Variants in RBX1 observed in about 807,000 individuals in gnomAD.
RBX1 encodes the protein ring-box 1.
For synonymous variants in RBX1, 48 were observed against 47.9 expected, an observed-to-expected ratio of 1.00 and a Z score of -0.01; for missense variants, 46 against 141.4, an observed-to-expected ratio of 0.33 and a Z score of 3.42.
chr22:40,960,971 C>A (rs1397951320), intron 2 of RBX1, among the ~76,000 whole-genome samples: 1 of 152,006 alleles, frequency 6.6e-6, no homozygotes, highest in African/African-American at 2.4e-5. Context: ...GCCATGTTGG[C>A]CAGGCTGGTC....
At chr22:40,968,567 C>G (rs1684343538) in intron 4 of RBX1, among the ~76,000 whole-genome samples, 1 of 152,106 alleles carries the variant, frequency 6.6e-6, no homozygotes, top group Non-Finnish European at 1.5e-5. Flanking sequence ...GTGATTAATT[C>G]TGATATAGCA....
rs530658090 is a variant in RBX1 at position 40,962,589 on chromosome 22, G to A, written c.158-1458G>A. 6.0e-5 allele frequency among the ~76,000 whole-genome samples: 9 copies of A among 150,112 alleles called. No individual in the cohort carries two copies. In the South Asian group the frequency reaches 1.3e-3, roughly 21 times the overall value. Reference sequence around the variant, plus strand: ...TGGCTCACTGCAACCTCTGCCTCCCGGATTCAAGCAATTCTTCTGCCTCAG... The same window carrying A: ...TGGCTCACTGCAACCTCTGCCTCCCAGATTCAAGCAATTCTTCTGCCTCAG... On this transcript the variant is annotated intron_variant, in intron 2 of 4. Transcript: ENST00000216225.
intron 2 of RBX1, among the ~76,000 whole-genome samples, chr22:40,960,087 G>A (rs1333282087): frequency 1.3e-5 from 2 of 152,068 alleles, no homozygotes; most frequent in Admixed American, 1.3e-4. Context: ...CTGCCCTTCA[G>A]CCTGGGCAAC....
intron 4 of RBX1, among the ~76,000 whole-genome samples, chr22:40,970,678 A>AT (rs944067341): frequency 2.0e-5 from 3 of 151,964 alleles, no homozygotes; most frequent in African/African-American, 7.3e-5. Flanking sequence ...TCTTTACTGA[A>AT]TTTTTTACGG....
intron 4 of RBX1, among the ~76,000 whole-genome samples, chr22:40,968,796 G>A (rs2058360805): frequency 6.7e-6 from 1 of 148,512 alleles, no homozygotes; most frequent in Non-Finnish European, 1.5e-5. Flanking sequence ...ATGGTTGTGT[G>A]TATATATATA....
intron 4 of RBX1, 141 bp from the exon 5 acceptor site, chr22:40,972,335 T>G (rs2058371365): frequency 1.6e-6 from 1 of 614,792 alleles, no homozygotes; most frequent in South Asian, 2.0e-5. Context: ...GCCAAGCTAG[T>G]GTCAGTGTCG....
intron 4 of RBX1, among the ~76,000 whole-genome samples, chr22:40,968,849 CTTT>C (rs1241784007): frequency 7.5e-6 from 1 of 133,136 alleles, no homozygotes. Flanking sequence ...AGTAATTCAC[CTTT>C]TTTTTTTTTT....
rs1041675550 is a variant in RBX1, at chr22:40,959,838, C to T, written c.158-4209C>T. On this transcript the variant is annotated intron_variant, in intron 2 of 4. Coordinates refer to ENST00000216225, the MANE Select transcript of RBX1 (RefSeq NM_014248.4). Reference sequence around the variant, plus strand: ...AAGAAAAAAAGGAATGAATCTTGGTCGGATGCAGTGGCTCACGCCTGTAAT... The same window carrying T: ...AAGAAAAAAAGGAATGAATCTTGGTTGGATGCAGTGGCTCACGCCTGTAAT... 5.3e-5 allele frequency among the ~76,000 whole-genome samples: 8 copies of T among 151,912 alleles called. No individual in the cohort carries two copies. In the South Asian group the frequency reaches 1.2e-3, roughly 24 times the overall value.
At chr22:40,956,289 G>C (rs2058325137) in intron 2 of RBX1, among the ~76,000 whole-genome samples, 1 of 151,562 alleles carries the variant, frequency 6.6e-6, no homozygotes, top group Non-Finnish European at 1.5e-5. Flanking sequence ...AAAAACTTAT[G>C]AAAGTATTTT....
intron 2 of RBX1, among the ~76,000 whole-genome samples, chr22:40,962,990 C>T (rs552529732): frequency 6.6e-6 from 1 of 151,754 alleles, no homozygotes; most frequent in Admixed American, 6.6e-5. Context: ...GCCATCGCGC[C>T]TGGCCTACTC....
chr22:40,967,699 C>A, intron 3 of RBX1, 100 bp from the exon 4 acceptor site: 2 of 808,836 alleles, frequency 2.5e-6, no homozygotes, highest in Non-Finnish European at 4.0e-6. Context: ...TTTTCTTGCC[C>A]ACTATATGTC....
intron 4 of RBX1, 29 bp downstream of exon 4, chr22:40,967,913 C>A: frequency 6.7e-7 from 1 of 1,485,238 alleles, no homozygotes; most frequent in Non-Finnish European, 9.4e-7. Flanking sequence ...TTTGACGGGG[C>A]TTTTTGACTT....
In RBX1 at chr22:40,964,602, C is replaced by T. The variant is rs528670180; in HGVS notation, c.228+485C>T. On this transcript the variant is annotated intron_variant, in intron 3 of 4. Coordinates refer to ENST00000216225, the MANE Select transcript of RBX1 (RefSeq NM_014248.4). ...CTTATGCCAGAAATGTTTTGTGTAGCTTTATTGGACTGAATGGCCTTCCAA... is the reference window on the plus strand; with the variant it reads ...CTTATGCCAGAAATGTTTTGTGTAGTTTTATTGGACTGAATGGCCTTCCAA... Among the ~76,000 whole-genome samples, 6 of 152,312 alleles carry T rather than the reference C, an allele frequency of 3.9e-5. No individual in the cohort carries two copies. In the East Asian group the frequency reaches 1.2e-3, roughly 29 times the overall value.
intron 4 of RBX1, among the ~76,000 whole-genome samples, chr22:40,969,902 A>G (rs1252088731): frequency 1.3e-5 from 2 of 151,364 alleles, no homozygotes; most frequent in African/African-American, 4.9e-5. Context: ...AAAAAAAAAA[A>G]GAAAGAAAAT....
chr22:40,964,227 C>T, intron 3 of RBX1, 110 bp downstream of exon 3: 1 of 764,138 alleles, frequency 1.3e-6, no homozygotes, highest in South Asian at 1.6e-5. Context: ...CCACCTTTCT[C>T]CCAAAAGGTA....
chr22:40,951,491 G>C lies in RBX1; in HGVS notation c.78+15G>C. 1 of 1,611,484 alleles carries C rather than the reference G, an allele frequency of 6.2e-7. No individual in the cohort carries two copies. The highest frequency in any genetic ancestry group is 1.1e-5 in the South Asian group (1 of 90,858). On this transcript the variant is annotated intron_variant, in intron 1 of 4. Coordinates refer to ENST00000216225, the MANE Select transcript of RBX1 (RefSeq NM_014248.4). ...AAGTGAAAAAGGTTGGGTCTCGCCA[G>C]CGCCTTCCTCAGGGAAGCTAGAGAG... is the stretch of plus-strand genomic sequence containing the variant.
rs762353234 is a variant in RBX1 at position 40,964,034 on chromosome 22, C to T, written c.158-13C>T. On this transcript the variant is annotated splice_polypyrimidine_tract_variant and intron_variant, in intron 2 of 4. Transcript: ENST00000216225. ...CCCAAGGTCCAGTGATCCTGTTGCT[C>T]TTGTTCCCACAGGCATAGAATGTCA... is the stretch of plus-strand genomic sequence containing the variant. 1.9e-6 allele frequency: 3 copies of T among 1,611,742 alleles called. No homozygotes were observed. Among genetic ancestry groups the T allele is most frequent in the Non-Finnish European group, 8.5e-7 (1 of 1,177,876 alleles).
chr22:40,963,504 G>A (rs2058346385), intron 2 of RBX1, among the ~76,000 whole-genome samples: 1 of 152,072 alleles, frequency 6.6e-6, no homozygotes, highest in South Asian at 2.1e-4. Flanking sequence ...GCATGGTGGT[G>A]TGCGCCTGTT....
intron 2 of RBX1, among the ~76,000 whole-genome samples, chr22:40,962,778 C>T (rs1344939105): frequency 6.7e-5 from 10 of 150,066 alleles, no homozygotes; most frequent in Admixed American, 2.0e-4. Context: ...CTGCAAGCTC[C>T]GCCTCCTGGG....
Sources: allele counts gnomAD v4.1 joint callset (sites outside exome capture counted in the v4.1 genomes callset), GRCh38; gene constraint gnomAD v4.1.1; transcripts MANE v1.5; gene names NCBI Gene and HGNC (gene_info 2026-07-23, HGNC 2026-07-21).